LRRC43: variants seen among roughly 807,000 people sequenced by gnomAD.
LRRC43 encodes leucine-rich repeat-containing protein 43.
A neutral mutation model predicts 64.3 loss-of-function variants in LRRC43; 62 were observed. The observed-to-expected ratio is 0.96, with a 90% CI of 0.79 to 1.19. The LOEUF (loss-of-function observed/expected upper bound fraction) is 1.19, where lower values mean the gene tolerates loss of function less well. LRRC43 is among the 50% of genes most tolerant of loss of function. The probability of loss-of-function intolerance (pLI) is 0.00; values close to 1 mark genes in which losing one functional copy is unlikely to be tolerated. For synonymous variants in LRRC43, 422 were observed against 382.3 expected, an observed-to-expected ratio of 1.10 and a Z score of -1.21; for missense variants, 868 against 845.0, an observed-to-expected ratio of 1.03 and a Z score of -0.34.
Position 122,200,128 on chromosome 12 carries a change from C to T in LRRC43, c.1350-61C>T, listed in dbSNP as rs1197832556. 2.2e-5 allele frequency: 34 copies of T among 1,575,510 alleles called. No individual in the cohort carries two copies. The highest frequency in any genetic ancestry group is 1.2e-4 in the South Asian group (10 of 86,300). ...CGGATGTCCCCTCACAGTCCTGTCCCGGGTCCCTGGCCACAGCCCCTGGGT... is the reference window on the plus strand; with the variant it reads ...CGGATGTCCCCTCACAGTCCTGTCCTGGGTCCCTGGCCACAGCCCCTGGGT... On this transcript the variant is annotated intron_variant, in intron 7 of 11. Transcript: ENST00000339777. This position sits in a 1 kb window ranked among gnomAD's most constrained non-coding sequence, Gnocchi z 4.6.
Position 122,200,639 on chromosome 12 carries a change from A to G in LRRC43, c.1599A>G (p.Lys533=), listed in dbSNP as rs775626493. Residue 533 remains lysine (K), a synonymous_variant, in exon 9 of 12, where the codon AAA becomes AAG. Coordinates refer to ENST00000339777, the MANE Select transcript of LRRC43 (RefSeq NM_001098519.2). The surrounding 1 kb of genome is among the most constrained non-coding windows in gnomAD (Gnocchi z 4.6). ...GGAAGGAGAAAGACAGGACGGGGAA[A>G]GGAGAGAAAGAGCCGGCCAAGGTAC... ...KKGKEKDRTG[K]GEKEPAKEWK... is the part of the protein sequence containing the mutation. 1 of 1,551,582 alleles carries G rather than the reference A, an allele frequency of 6.4e-7. No homozygotes were observed.
At chr12:122,194,661 G>A (rs369540729) in intron 7 of LRRC43, among the ~76,000 whole-genome samples, 1 of 151,550 alleles carries the variant, frequency 6.6e-6, no homozygotes, top group Non-Finnish European at 1.5e-5. Flanking sequence ...TTTTGTGGTG[G>A]GGTCTCTCGA....
At chr12:122,201,147 G>C in intron 10 of LRRC43, 149 bp from the exon 11 acceptor site, 1 of 1,013,020 alleles carries the variant, frequency 9.9e-7, no homozygotes. Context: ...CCTTCCCTTT[G>C]GGGATGGGCT....
chr12:122,171,705 G>A (rs547717731), intron 1 of LRRC43, among the ~76,000 whole-genome samples: 5 of 151,588 alleles, frequency 3.3e-5, no homozygotes, highest in African/African-American at 1.2e-4. Context: ...ACTAGCCACC[G>A]TGTACCACCA....
intron 3 of LRRC43, 85 bp downstream of exon 3, chr12:122,186,385 G>A: frequency 1.2e-6 from 1 of 846,548 alleles, no homozygotes; most frequent in Non-Finnish European, 1.9e-6. Flanking sequence ...AGTGTGGCCA[G>A]CATGGGTGGA....
In LRRC43 at chr12:122,192,993, C is replaced by T. The variant is rs1406166497; in HGVS notation, c.1338C>T (p.Cys446=). ...KLRLRIDPRL[C]PSPGTVLFST... is the part of the protein sequence containing the mutation. ...GGCTGCGTATAGATCCCCGGCTCTG[C>T]CCGTCCCCAGGGTAAGGATGGAAAT... Residue 446 remains cysteine, a synonymous_variant, in exon 7 of 12, where the codon TGC becomes TGT. Transcript: ENST00000339777. The T allele has an allele frequency of 2.5e-6, 4 of 1,613,370 alleles. No homozygotes were observed. The highest frequency in any genetic ancestry group is 3.4e-6 in the Non-Finnish European group (4 of 1,179,728).
intron 1 of LRRC43, among the ~76,000 whole-genome samples, chr12:122,174,668 G>A (rs977367639): frequency 1.3e-5 from 2 of 152,046 alleles, no homozygotes; most frequent in South Asian, 2.1e-4. Flanking sequence ...TGCCCACGCC[G>A]GTGTGCAGGG....
At chr12:122,173,587 G>T (rs138501287) in intron 1 of LRRC43, among the ~76,000 whole-genome samples, 23,692 of 151,958 alleles carry the variant, frequency 0.16, 2,157 homozygotes, top group Admixed American at 0.25. Flanking sequence ...GGGAGGCTGA[G>T]GCAGGAGAAT....
rs1470291980 is a variant in LRRC43 at position 122,191,408 on chromosome 12, G to A, written c.930G>A (p.Val310=). ...TCTTGGCACAGGAGGCGCAGTTTGT[G>A]GTGACCATCGGAAACATCAGAGGAG... is the stretch of plus-strand genomic sequence containing the variant. ...GDLLAQEAQF[V]VTIGNIRGVL... is the part of the protein sequence containing the mutation. The change falls in exon 6 of 12, where the codon GTG becomes GTA. Residue 310 remains valine (V), a synonymous_variant. Coordinates refer to ENST00000339777, the MANE Select transcript of LRRC43 (RefSeq NM_001098519.2). The A allele has an allele frequency of 6.8e-6, 11 of 1,613,378 alleles. No individual in the cohort carries two copies. Among genetic ancestry groups the A allele is most frequent in the Non-Finnish European group, 8.5e-6 (10 of 1,179,768 alleles).
chr12:122,190,114 C>T lies in LRRC43; in HGVS notation c.663-16C>T. On this transcript the variant is annotated splice_polypyrimidine_tract_variant and intron_variant, in intron 4 of 11. Transcript: ENST00000339777. ...CCTGGCTTCTTGACCCCCAGACGGT[C>T]CTGCTCACCTTCCAGGCCCAACCTC... is the stretch of plus-strand genomic sequence containing the variant. The T allele has an allele frequency of 1.2e-6, 2 of 1,609,514 alleles. No homozygotes were observed. Among genetic ancestry groups the T allele is most frequent in the Non-Finnish European group, 1.7e-6 (2 of 1,175,876 alleles).
rs1953524972 is a variant in LRRC43 at position 122,175,012 on chromosome 12, G to C, written c.-406+7230G>C. On this transcript the variant is annotated intron_variant, in intron 1 of 5. Coordinates refer to the LRRC43 transcript ENST00000537729. ...GTGCCACCATGCCCAGCTAATTTTT[G>C]TATTTTTAGTAGAAATGGGGTTTCG... is the stretch of plus-strand genomic sequence containing the variant. Among the ~76,000 whole-genome samples the C allele has an allele frequency of 2.0e-5, 3 of 151,516 alleles. No homozygotes were observed. The South Asian group carries it at 6.3e-4, about 32-fold the overall frequency.
intron 7 of LRRC43, among the ~76,000 whole-genome samples, chr12:122,194,663 G>T (rs957517455): frequency 6.6e-6 from 1 of 151,608 alleles, no homozygotes; most frequent in Non-Finnish European, 1.5e-5. Context: ...TTGTGGTGGG[G>T]TCTCTCGATG....
rs944198161 is a variant in LRRC43 at position 122,200,297 on chromosome 12, G to T, written c.1458G>T (p.Leu486=). ...RDLVPLKAFL[L]AGTTVTIVEE... ...TGGTCCCACTGAAGGCCTTCCTGCT[G>T]GCGGGGACCACCGTGACCATCGTGG... The change falls in exon 8 of 12, where the codon CTG becomes CTT. Residue 486 remains leucine, a synonymous_variant. Transcript: ENST00000339777. This position sits in a 1 kb window ranked among gnomAD's most constrained non-coding sequence, Gnocchi z 4.6. The T allele has an allele frequency of 1.9e-6, 3 of 1,612,372 alleles. No homozygotes were observed. The highest frequency in any genetic ancestry group is 2.5e-6 in the Non-Finnish European group (3 of 1,179,954).
intron 5 of LRRC43, among the ~76,000 whole-genome samples, chr12:122,190,811 C>T (rs190086057): frequency 4.0e-5 from 6 of 149,710 alleles, no homozygotes; most frequent in East Asian, 2.0e-4. Context: ...TGCAGTGAGC[C>T]GAGATGACAC....
Position 122,184,375 on chromosome 12 carries a change from T to A in LRRC43, c.151-144T>A. Reference sequence around the variant, plus strand: ...TCCCAAAGTGCTGGGATTACAGGCATGAGCCACCGCACCTGGCCTACTCTC... The same window carrying A: ...TCCCAAAGTGCTGGGATTACAGGCAAGAGCCACCGCACCTGGCCTACTCTC... On this transcript the variant is annotated intron_variant, in intron 1 of 11. Coordinates refer to ENST00000339777, the MANE Select transcript of LRRC43 (RefSeq NM_001098519.2). This position sits in a 1 kb window ranked among gnomAD's most constrained non-coding sequence, Gnocchi z 4.0. The A allele has an allele frequency of 9.6e-7, 1 of 1,043,280 alleles. No homozygotes were observed. Among genetic ancestry groups the A allele is most frequent in the Non-Finnish European group, 1.4e-6 (1 of 737,876 alleles). 64.6% of individuals were successfully genotyped at this position (1,043,280 alleles called of 1,614,324 possible).
intron 1 of LRRC43, chr12:122,172,101 G>A (rs1366657357): frequency 2.7e-5 from 7 of 260,520 alleles, no homozygotes; most frequent in Non-Finnish European, 3.7e-5. Context: ...ACAACTCTTA[G>A]TACAATAAAT....
At position 122,183,165 on chromosome 12, in the gene LRRC43, C is replaced by CGAGTCG; in HGVS notation, c.26_27insGGAGTC (p.Ser13_Glu14dup). ...GGGCCATGGAGGCGTCGTACGAGTC[C>CGAGTCG]GAGTCCGAGTCCGAGTCTGAGGCCG... is the stretch of plus-strand genomic sequence containing the variant. On this transcript the variant is annotated inframe_insertion, in exon 1 of 12. Transcript: ENST00000339777. The CGAGTCG allele has an allele frequency of 6.5e-7, 1 of 1,550,192 alleles. No homozygotes were observed. Among genetic ancestry groups the CGAGTCG allele is most frequent in the East Asian group, 2.5e-5 (1 of 40,678 alleles).
intron 6 of LRRC43, among the ~76,000 whole-genome samples, chr12:122,192,144 T>TTG (rs979755982): frequency 4.1e-5 from 6 of 147,700 alleles, no homozygotes; most frequent in East Asian, 2.0e-4. Context: ...TATTTCTTTT[T>TTG]TGTGTGTGTG....
At chr12:122,183,439 G>A in intron 1 of LRRC43, 145 bp downstream of exon 1, 1 of 983,984 alleles carries the variant, frequency 1.0e-6, no homozygotes, top group Non-Finnish European at 1.4e-6. Flanking sequence ...GGGCTTGAGG[G>A]TGACGGTGGG....
Sources: gnomAD v4.1 joint callset for allele counts (sites outside exome capture counted in the v4.1 genomes callset) on GRCh38, gnomAD v4.1.1 for gene constraint, Gnocchi (gnomAD v3.1) non-coding constraint, MANE v1.5 for transcripts, NCBI Gene and HGNC (gene_info 2026-07-23, HGNC 2026-07-21) for gene names.